Variants in PHLPP2 observed in about 807,000 individuals in gnomAD.
PHLPP2 encodes the protein PH domain and leucine rich repeat protein phosphatase 2.
Under a neutral mutation model 124.9 loss-of-function variants are expected in PHLPP2, and 66 were observed. That is an observed-to-expected ratio of 0.53 (90% CI 0.43 to 0.65). The LOEUF is 0.65. PHLPP2 is among the 30% of genes least tolerant of loss of function. The pLI is 0.00. For synonymous variants in PHLPP2, 681 were observed against 624.7 expected, an observed-to-expected ratio of 1.09 and a Z score of -1.34; for missense variants, 1,685 against 1,600.4, an observed-to-expected ratio of 1.05 and a Z score of -0.90.
chr16:71,718,788 C>G (rs1280802975), intron 1 of PHLPP2, among the ~76,000 whole-genome samples: 2 of 152,162 alleles, frequency 1.3e-5, no homozygotes, highest in Admixed American at 1.3e-4. Context: ...GATCTATCTC[C>G]TGTCTACATG....
intron 17 of PHLPP2, among the ~76,000 whole-genome samples, chr16:71,653,975 C>G (rs1235485193): frequency 2.0e-5 from 3 of 151,508 alleles, no homozygotes; most frequent in East Asian, 1.9e-4. Flanking sequence ...GTGGGCAGAT[C>G]ACGAGGTCAG....
chr16:71,723,743 G>A (rs1264739294), intron 1 of PHLPP2: 13 of 1,167,998 alleles, frequency 1.1e-5, no homozygotes, highest in Non-Finnish European at 1.5e-5. Context: ...CCGCTCGCTC[G>A]CTCGCTGGTC....
intron 8 of PHLPP2, 105 bp downstream of exon 8, chr16:71,678,650 C>T (rs2044969117): frequency 5.7e-6 from 4 of 705,150 alleles, no homozygotes; most frequent in Non-Finnish European, 9.8e-6. Context: ...AAAACAACAA[C>T]AAAATTTTAA....
intron 8 of PHLPP2, 75 bp from the exon 9 acceptor site, chr16:71,676,724 A>G (rs775894001): frequency 2.0e-5 from 22 of 1,113,674 alleles, no homozygotes; most frequent in Non-Finnish European, 3.0e-5. Context: ...AAAATAAAAA[A>G]TAGGACAGGT....
Position 71,656,671 on chromosome 16 carries a change from T to C in PHLPP2, c.2290A>G (p.Thr764Ala), listed in dbSNP as rs774674735. 3.7e-6 allele frequency: 6 copies of C among 1,602,068 alleles called. No individual in the cohort carries two copies. The highest frequency in any genetic ancestry group is 4.3e-6 in the Non-Finnish European group (5 of 1,169,108). Residue 764 changes from threonine (T) to alanine (A), a missense_variant, in exon 16 of 19, where the codon ACC becomes GCC. Thr to Ala is a moderately conservative substitution (Grantham distance 58). Transcript: ENST00000568954. ...AAAGGTTTCTGATCAATTTTCAGGGTTGTGATATGGCTGTGGGAGGTGAAG... is the reference window on the plus strand; with the variant it reads ...AAAGGTTTCTGATCAATTTTCAGGGCTGTGATATGGCTGTGGGAGGTGAAG... ...KTLDIFSHIT[T>A]LKIDQKPLPT... is the part of the protein sequence containing the mutation.
rs147234949 is a variant in PHLPP2, at chr16:71,663,840, T to C, written c.1985+59A>G. The C allele has an allele frequency of 2.5e-4, 334 of 1,318,348 alleles. No homozygotes were observed. The African/African-American group carries it at 3.8e-3, about 15-fold the overall frequency. 81.7% of individuals were successfully genotyped at this position (1,318,348 alleles called of 1,614,324 possible). ...CATAGTCAGATGGCTATATTTTTTC[T>C]GACAAATATAGAATTAATGTTGTGT... On this transcript the variant is annotated intron_variant, in intron 13 of 18. Coordinates refer to ENST00000568954, the MANE Select transcript of PHLPP2 (RefSeq NM_015020.3).
At chr16:71,699,903 T>A (rs902526990) in intron 3 of PHLPP2, among the ~76,000 whole-genome samples, 1 of 152,190 alleles carries the variant, frequency 6.6e-6, no homozygotes, top group Admixed American at 6.5e-5. Flanking sequence ...TCCTATGCGC[T>A]ACATCCCACA....
rs762972622 is a variant in PHLPP2, at chr16:71,652,965, C to A, written c.2642G>T (p.Arg881Leu). 1.9e-6 allele frequency: 3 copies of A among 1,613,954 alleles called. No individual in the cohort carries two copies. The highest frequency in any genetic ancestry group is 1.7e-5 in the Admixed American group (1 of 60,022). ...LGSSALLCYI[R>L]PDTADPASSF... ...ACTTGCTGGATCGGCAGTGTCAGGG[C>A]GGATGTAGCACAGGAGAGCGGAGGA... Residue 881 changes from arginine (R) to leucine (L), a missense_variant, in exon 18 of 19, where the codon CGC (arginine) becomes CTC (leucine). Arg to Leu is a moderately radical substitution (Grantham distance 102). Transcript: ENST00000568954.
At chr16:71,692,748 A>G (rs946640836) in intron 3 of PHLPP2, among the ~76,000 whole-genome samples, 6 of 152,212 alleles carry the variant, frequency 3.9e-5, no homozygotes, top group African/African-American at 1.4e-4. Flanking sequence ...TAATTTGAAT[A>G]ATCTCTAGAT....
intron 2 of PHLPP2, 68 bp from the exon 3 acceptor site, chr16:71,702,799 G>GTATTAT: frequency 1.1e-6 from 1 of 913,634 alleles, no homozygotes; most frequent in Non-Finnish European, 1.6e-6. Context: ...TAATTTTTTA[G>GTATTAT]TATTTTTATT....
chr16:71,678,696 A>C, intron 8 of PHLPP2, 59 bp downstream of exon 8: 1 of 884,100 alleles, frequency 1.1e-6, no homozygotes, highest in Non-Finnish European at 1.9e-6. Context: ...TCATAAACAG[A>C]AGACATAAAG....
intron 3 of PHLPP2, 34 bp from the exon 4 acceptor site, chr16:71,690,743 T>G (rs1426569183): frequency 1.4e-6 from 2 of 1,397,244 alleles, no homozygotes. Flanking sequence ...AATCCACCAT[T>G]AAAGTAGTGT....
At chr16:71,671,501 T>C (rs2044892582) in intron 10 of PHLPP2, among the ~76,000 whole-genome samples, 1 of 152,064 alleles carries the variant, frequency 6.6e-6, no homozygotes, top group Non-Finnish European at 1.5e-5. Context: ...GAACCCAGAA[T>C]GCCCAACAGT....
At chr16:71,717,093 GA>G (rs948660689) in intron 1 of PHLPP2, among the ~76,000 whole-genome samples, 34 of 151,922 alleles carry the variant, frequency 2.2e-4, no homozygotes, top group Admixed American at 2.1e-3. Flanking sequence ...ACTTGGGGGG[GA>G]AAATTCCCAT....
intron 3 of PHLPP2, among the ~76,000 whole-genome samples, chr16:71,696,717 G>C (rs1196203368): frequency 6.6e-6 from 1 of 151,076 alleles, no homozygotes; most frequent in Non-Finnish European, 1.5e-5. Flanking sequence ...TCACTCCCTT[G>C]ACTTTTATAA....
intron 1 of PHLPP2, among the ~76,000 whole-genome samples, chr16:71,717,886 A>T (rs1366118286): frequency 6.6e-6 from 1 of 151,864 alleles, no homozygotes; most frequent in Non-Finnish European, 1.5e-5. Context: ...GTCAAGGAAG[A>T]CTCCAGGAAG....
chr16:71,675,586 T>TG (rs1338944479), intron 9 of PHLPP2, among the ~76,000 whole-genome samples: 2 of 152,246 alleles, frequency 1.3e-5, no homozygotes, highest in Non-Finnish European at 2.9e-5. Context: ...TATTCAATTC[T>TG]GCCACTGTAG....
chr16:71,697,815 CTCT>C (rs2045188605), intron 3 of PHLPP2, among the ~76,000 whole-genome samples: 1 of 139,536 alleles, frequency 7.2e-6, no homozygotes. Context: ...CTCTCTCTCT[CTCT>C]TTTTTTTTTT....
chr16:71,669,177 T>G, intron 11 of PHLPP2, 98 bp downstream of exon 11: 1 of 746,234 alleles, frequency 1.3e-6, no homozygotes, highest in South Asian at 1.6e-5. Context: ...CTCAACACAC[T>G]GAACAAATAA....
Sources: allele counts gnomAD v4.1 joint callset (sites outside exome capture counted in the v4.1 genomes callset), GRCh38; gene constraint gnomAD v4.1.1; transcripts MANE v1.5; gene names NCBI Gene and HGNC (gene_info 2026-07-23, HGNC 2026-07-21).